Variants in SLC9C2 observed in about 807,000 individuals in gnomAD.
The protein encoded by SLC9C2 is sodium/hydrogen exchanger 11.
A neutral mutation model predicts 140.2 loss-of-function variants in SLC9C2; 75 were observed. That is an observed-to-expected ratio of 0.53 (90% CI 0.44 to 0.65). SLC9C2 has a LOEUF of 0.65. Among genes scored for constraint, SLC9C2 ranks in the 30% least tolerant of loss-of-function variants. The pLI is 0.00. For synonymous variants in SLC9C2, 375 were observed against 420.9 expected, an observed-to-expected ratio of 0.89 and a Z score of 1.34; for missense variants, 1,074 against 1,331.8, an observed-to-expected ratio of 0.81 and a Z score of 3.01.
chr1:173,565,477 A>G (rs1664410950), intron 9 of SLC9C2, among the ~76,000 whole-genome samples: 1 of 152,128 alleles, frequency 6.6e-6, no homozygotes, highest in Non-Finnish European at 1.5e-5. Context: ...TCTTTCTCCA[A>G]TATACGTTCT....
intron 26 of SLC9C2, 129 bp from the exon 27 acceptor site, chr1:173,503,455 A>C: frequency 3.7e-6 from 3 of 817,288 alleles, no homozygotes; most frequent in Admixed American, 2.6e-5. Flanking sequence ...CCCCTCTCAA[A>C]TGTCCCTGTT....
chr1:173,515,727 T>C (rs1227593781), intron 23 of SLC9C2, among the ~76,000 whole-genome samples: 1 of 152,210 alleles, frequency 6.6e-6, no homozygotes, highest in African/African-American at 2.4e-5. Flanking sequence ...CGATCATGTA[T>C]AGGGGAAGAG....
chr1:173,573,015 C>A (rs1336166612), intron 9 of SLC9C2, among the ~76,000 whole-genome samples, 167 bp downstream of exon 9: 1 of 152,150 alleles, frequency 6.6e-6, no homozygotes, highest in Non-Finnish European at 1.5e-5. Flanking sequence ...GAAAAATAAA[C>A]ACTTACCCCA....
intron 3 of SLC9C2, among the ~76,000 whole-genome samples, chr1:173,599,072 C>T (rs1162439165): frequency 1.3e-5 from 2 of 152,032 alleles, no homozygotes; most frequent in African/African-American, 4.8e-5. Context: ...GTGACCATGC[C>T]TCATGATGAA....
chr1:173,581,517 G>T (rs1202557386), intron 7 of SLC9C2, among the ~76,000 whole-genome samples: 1 of 152,128 alleles, frequency 6.6e-6, no homozygotes. Flanking sequence ...TTTGCAGATG[G>T]TTTGTTCTGA....
At chr1:173,537,494 G>A (rs1272015376) in intron 13 of SLC9C2, among the ~76,000 whole-genome samples, 4 of 151,958 alleles carry the variant, frequency 2.6e-5, no homozygotes, top group African/African-American at 7.3e-5. Flanking sequence ...CCCAGGAGGC[G>A]GAGGTTGTGG....
chr1:173,585,403 CTA>C (rs1464584162), intron 5 of SLC9C2, among the ~76,000 whole-genome samples: 1 of 152,074 alleles, frequency 6.6e-6, no homozygotes, highest in Non-Finnish European at 1.5e-5. Context: ...TGTATTATGA[CTA>C]TTTTATTTAA....
At chr1:173,578,829 T>G (rs1022719432) in intron 7 of SLC9C2, among the ~76,000 whole-genome samples, 2 of 152,228 alleles carry the variant, frequency 1.3e-5, no homozygotes, top group African/African-American at 4.8e-5. Flanking sequence ...AAGGATACAG[T>G]CATACTGGAT....
intron 3 of SLC9C2, among the ~76,000 whole-genome samples, chr1:173,599,835 C>T (rs145832412): frequency 3.0e-4 from 45 of 152,234 alleles, no homozygotes; most frequent in African/African-American, 1.0e-3. Flanking sequence ...AACTCCTGGC[C>T]TCAAGTGATC....
Position 173,598,027 on chromosome 1 carries a change from G to T in SLC9C2, c.234C>A (p.His78Gln). ...GHMAYNSVEVHQIVYPLLRTS... is the reference protein window; with the variant it reads ...GHMAYNSVEVQQIVYPLLRTS... ...TTCTTAGAAGAGGGTAGACAATTTG[G>T]TGCACCTAAAGTAACAAAGGCAAAC... Residue 78 changes from histidine to glutamine, a missense_variant, in exon 4 of 28, where the codon CAC becomes CAA. Physicochemically the swap from His to Gln is conservative, Grantham distance 24 (BLOSUM62 0). Transcript: ENST00000367714. 1 of 1,585,798 alleles carries T rather than the reference G, an allele frequency of 6.3e-7. No homozygotes were observed. The highest frequency in any genetic ancestry group is 1.1e-5 in the South Asian group (1 of 87,492).
intron 8 of SLC9C2, among the ~76,000 whole-genome samples, chr1:173,574,060 G>A (rs1665004594): frequency 6.6e-6 from 1 of 152,188 alleles, no homozygotes; most frequent in African/African-American, 2.4e-5. Flanking sequence ...GTTAGGGCAG[G>A]GGGCTGAGGC....
At chr1:173,503,183 C>T in intron 27 of SLC9C2, 83 bp downstream of exon 27, 1 of 1,137,246 alleles carries the variant, frequency 8.8e-7, no homozygotes, top group African/African-American at 1.6e-5. Context: ...CTACAATTTG[C>T]TATTTTGCCT....
At chr1:173,596,018 T>C (rs1666437379) in intron 4 of SLC9C2, among the ~76,000 whole-genome samples, 1 of 152,196 alleles carries the variant, frequency 6.6e-6, no homozygotes, top group Admixed American at 6.5e-5. Context: ...GGTCTATGAA[T>C]GTAATTTTAT....
chr1:173,548,721 A>C (rs1039144236), intron 11 of SLC9C2, among the ~76,000 whole-genome samples, 169 bp from the exon 12 acceptor site: 56 of 151,774 alleles, frequency 3.7e-4, no homozygotes, highest in Non-Finnish European at 7.4e-4. Flanking sequence ...TTACCCAACT[A>C]TTTGTTTCTT....
intron 9 of SLC9C2, among the ~76,000 whole-genome samples, chr1:173,566,313 G>A (rs1349401854): frequency 1.3e-5 from 2 of 151,982 alleles, no homozygotes; most frequent in African/African-American, 4.8e-5. Context: ...TCAGGTCAGG[G>A]CTTATCTTTG....
At chr1:173,553,888 T>C (rs1663489770) in intron 11 of SLC9C2, among the ~76,000 whole-genome samples, 1 of 152,200 alleles carries the variant, frequency 6.6e-6, no homozygotes, top group Non-Finnish European at 1.5e-5. Flanking sequence ...GCAGCAAAGC[T>C]GAGGATCAGG....
intron 21 of SLC9C2, among the ~76,000 whole-genome samples, chr1:173,521,885 C>CA (rs58355008): frequency 0.024 from 1,837 of 76,228 alleles, 66 homozygotes; most frequent in Non-Finnish European, 0.03. Context: ...GGGCGCTATG[C>CA]AAAAAAAAAA....
chr1:173,504,429 CTG>C (rs1016929780), intron 26 of SLC9C2, among the ~76,000 whole-genome samples: 8 of 152,176 alleles, frequency 5.3e-5, no homozygotes, highest in Non-Finnish European at 1.0e-4. Flanking sequence ...AGATATAAGA[CTG>C]AGAAAACGTC....
intron 11 of SLC9C2, among the ~76,000 whole-genome samples, chr1:173,551,819 T>C (rs1267866311): frequency 2.0e-5 from 3 of 152,164 alleles, no homozygotes; most frequent in African/African-American, 7.2e-5. Flanking sequence ...CAATGGCTTC[T>C]AAGTGTTCAA....
Sources: allele counts gnomAD v4.1 joint callset (sites outside exome capture counted in the v4.1 genomes callset), GRCh38; gene constraint gnomAD v4.1.1; transcripts MANE v1.5; gene names NCBI Gene and HGNC (gene_info 2026-07-23, HGNC 2026-07-21).